LINGO2: variants seen among roughly 807,000 people sequenced by gnomAD.
The protein encoded by LINGO2 is leucine rich repeat and Ig domain containing 2.
A neutral mutation model predicts 30.6 loss-of-function variants in LINGO2; 14 were observed. That is an observed-to-expected ratio of 0.46 (90% CI 0.30 to 0.72). The LOEUF is 0.72. Ranked by LOEUF, LINGO2 falls within the 30% of genes least tolerant of loss-of-function variation. The probability of loss-of-function intolerance (pLI) is 0.07; values close to 1 mark genes in which losing one functional copy is unlikely to be tolerated. For missense variants in LINGO2, 729 were observed against 751.7 expected, an observed-to-expected ratio of 0.97 and a Z score of 0.35; for synonymous variants, 317 against 288.5, an observed-to-expected ratio of 1.10 and a Z score of -1.00.
rs137950831 is a variant in LINGO2 at position 28,394,100 on chromosome 9, C to T, written c.-278-21232G>A. 6.0e-3 allele frequency among the ~76,000 whole-genome samples: 908 copies of T among 152,060 alleles called. 6 individuals are homozygous for T. The highest frequency in any genetic ancestry group is 0.021 in the African/African-American group (870 of 41,450). The stretch of plus-strand genomic sequence containing the variant: ...TGTTTTCATGAGAGTCTCTGTCTGA[C>T]GGAACCAAGACTAAGACACCAATGG... On this transcript the variant is annotated intron_variant, in intron 2 of 5. Coordinates refer to ENST00000379992, the Ensembl canonical transcript of LINGO2.
chr9:28,420,432 T>C (rs1330747753), intron 2 of LINGO2, among the ~76,000 whole-genome samples: 2 of 152,122 alleles, frequency 1.3e-5, no homozygotes, highest in African/African-American at 4.8e-5. Context: ...GCTTCATCTA[T>C]GGTTATAAAA....
At chr9:28,483,171 A>G (rs1010237516) in intron 1 of LINGO2, among the ~76,000 whole-genome samples, 4 of 152,086 alleles carry the variant, frequency 2.6e-5, no homozygotes. Context: ...GTTAGCATTC[A>G]GATTGTTTCT....
intron 4 of LINGO2, among the ~76,000 whole-genome samples, chr9:28,053,771 A>G (rs1177142516): frequency 6.6e-6 from 1 of 152,122 alleles, no homozygotes; most frequent in Non-Finnish European, 1.5e-5. Context: ...ACGTAAATAG[A>G]GGCAGGAAAG....
intron 2 of LINGO2, among the ~76,000 whole-genome samples, chr9:28,410,651 G>C (rs1822723763): frequency 6.6e-6 from 1 of 152,098 alleles, no homozygotes; most frequent in African/African-American, 2.4e-5. Context: ...ACAAAGTATA[G>C]TAAGAGAAAG....
chr9:27,974,234 A>G (rs1563871494), intron 5 of LINGO2, among the ~76,000 whole-genome samples: 1 of 152,152 alleles, frequency 6.6e-6, no homozygotes, highest in Non-Finnish European at 1.5e-5. Context: ...TTAGGGGTTC[A>G]GGAGAGATGT....
At chr9:28,005,931 T>C (rs1047401162) in intron 5 of LINGO2, among the ~76,000 whole-genome samples, 4 of 152,126 alleles carry the variant, frequency 2.6e-5, no homozygotes, top group Admixed American at 1.3e-4. Context: ...ATTAATGGAT[T>C]CAGAGCACTG....
Position 28,615,635 on chromosome 9 carries a change from A to T in LINGO2, c.-365+54565T>A, listed in dbSNP as rs1260280132. ...TTAACAGATGATTTATAAAATACATATGAATGGCAAATAAATAAAAAGTAG... is the reference window on the plus strand; with the variant it reads ...TTAACAGATGATTTATAAAATACATTTGAATGGCAAATAAATAAAAAGTAG... On this transcript the variant is annotated intron_variant, in intron 1 of 5. Coordinates refer to ENST00000379992, the Ensembl canonical transcript of LINGO2. Among the ~76,000 whole-genome samples, 3 of 152,224 alleles carry T rather than the reference A, an allele frequency of 2.0e-5. No individual in the cohort carries two copies. The South Asian group carries it at 6.2e-4, about 31-fold the overall frequency.
At chr9:29,180,814 A>G in the LINGO2 span, among the ~76,000 whole-genome samples, 3 of 152,248 alleles carry the variant, frequency 2.0e-5, no homozygotes, top group African/African-American at 7.2e-5. Flanking sequence ...TAATGATATT[A>G]TGACTACAAT....
At chr9:28,248,093 T>C (rs1420462453) in intron 4 of LINGO2, among the ~76,000 whole-genome samples, 1 of 152,132 alleles carries the variant, frequency 6.6e-6, no homozygotes, top group Non-Finnish European at 1.5e-5. Context: ...AATCCAGCAA[T>C]CTCACTTTCG....
At chr9:28,833,670 A>AT in the LINGO2 span, among the ~76,000 whole-genome samples, 1 of 152,100 alleles carries the variant, frequency 6.6e-6, no homozygotes, top group Non-Finnish European at 1.5e-5. Flanking sequence ...AGCCTGTGTT[A>AT]TTTTTTCGCA....
At chr9:28,374,108 A>G (rs1821020432) in intron 2 of LINGO2, among the ~76,000 whole-genome samples, 1 of 151,692 alleles carries the variant, frequency 6.6e-6, no homozygotes, top group Non-Finnish European at 1.5e-5. Flanking sequence ...TAGACGAAGG[A>G]CATGAGGCCT....
the LINGO2 span, among the ~76,000 whole-genome samples, chr9:29,153,290 C>T: frequency 7.2e-5 from 11 of 151,878 alleles, no homozygotes; most frequent in African/African-American, 2.7e-4. Flanking sequence ...GCTCATTTAG[C>T]TAGGCCATTT....
chr9:28,109,859 G>A lies in LINGO2; in HGVS notation c.-86-97454C>T, dbSNP rs181382671. On this transcript the variant is annotated intron_variant, in intron 4 of 5. Coordinates refer to ENST00000379992, the Ensembl canonical transcript of LINGO2. ...TCAATGCTATTCCCATCAAGCTACT[G>A]TTGACTTTATTCACAGCATTAGAAA... 3.5e-3 allele frequency among the ~76,000 whole-genome samples: 539 copies of A among 151,900 alleles called. 6 individuals carry two copies. Among genetic ancestry groups the A allele is most frequent in the Non-Finnish European group, 2.7e-3 (185 of 67,922 alleles).
At chr9:28,971,595 G>A in the LINGO2 span, among the ~76,000 whole-genome samples, 2 of 152,208 alleles carry the variant, frequency 1.3e-5, no homozygotes, top group Non-Finnish European at 2.9e-5. Context: ...ACTGCATCTT[G>A]TGGTTTGAAT....
chr9:28,094,341 C>T (rs1826182886), intron 4 of LINGO2, among the ~76,000 whole-genome samples: 1 of 152,036 alleles, frequency 6.6e-6, no homozygotes, highest in Non-Finnish European at 1.5e-5. Context: ...AAGTAGTTTG[C>T]CTATATTTCT....
intron 4 of LINGO2, among the ~76,000 whole-genome samples, chr9:28,179,420 G>A (rs1404802389): frequency 2.3e-5 from 3 of 128,660 alleles, no homozygotes; most frequent in African/African-American, 5.8e-5. Flanking sequence ...TATACTATAT[G>A]TATGTATACT....
intron 5 of LINGO2, among the ~76,000 whole-genome samples, chr9:28,008,998 AC>A (rs1206852753): frequency 6.6e-6 from 1 of 152,308 alleles, no homozygotes; most frequent in African/African-American, 2.4e-5. Flanking sequence ...ATTCACACTT[AC>A]CGATTTCAAA....
chr9:28,750,625 C>A, the LINGO2 span, among the ~76,000 whole-genome samples: 1 of 151,968 alleles, frequency 6.6e-6, no homozygotes. Context: ...AAAAAATTAA[C>A]AGATTTGGAG....
intron 4 of LINGO2, among the ~76,000 whole-genome samples, chr9:28,224,120 A>G (rs1163952147): frequency 1.3e-5 from 2 of 152,136 alleles, no homozygotes; most frequent in African/African-American, 4.8e-5. Context: ...GCTGGAGTGC[A>G]GTGGTGCCAT....
Sources: gnomAD v4.1 joint callset for allele counts (sites outside exome capture counted in the v4.1 genomes callset) on GRCh38, gnomAD v4.1.1 for gene constraint, MANE v1.5 for transcripts, NCBI Gene and HGNC (gene_info 2026-07-23, HGNC 2026-07-21) for gene names.